SMCO2: variants seen among roughly 807,000 people sequenced by gnomAD.
SMCO2 encodes single-pass membrane protein with coiled-coil domains 2, also known as single-pass membrane and coiled-coil domain-containing protein 2.
A neutral mutation model predicts 29.5 loss-of-function variants in SMCO2; 25 were observed. The observed-to-expected ratio is 0.85, with a 90% CI of 0.62 to 1.18. The LOEUF (loss-of-function observed/expected upper bound fraction) is 1.18. Among genes scored for constraint, SMCO2 ranks in the 50% most tolerant of loss-of-function variants. The pLI, the probability that SMCO2 is intolerant of heterozygous loss-of-function variation, is 0.00. For missense variants in SMCO2, 348 were observed against 344.5 expected (o/e 1.01, Z -0.08); for synonymous variants, 117 against 123.3 (o/e 0.95, Z 0.34).
intron 5 of SMCO2, among the ~76,000 whole-genome samples, chr12:27,491,362 C>T (rs1006177846): frequency 4.6e-5 from 7 of 152,064 alleles, no homozygotes; most frequent in African/African-American, 1.7e-4. Context: ...AATAGAATTT[C>T]CATGTGAATT....
the SMCO2 span, among the ~76,000 whole-genome samples, chr12:27,426,266 A>G: frequency 6.6e-6 from 1 of 152,216 alleles, no homozygotes; most frequent in South Asian, 2.1e-4. Flanking sequence ...AGCAGTGAAC[A>G]ATGACTCAAG....
chr12:27,456,140 G>A, the SMCO2 span, among the ~76,000 whole-genome samples: 88,133 of 152,082 alleles, frequency 0.58, 26,358 homozygotes, highest in Middle Eastern at 0.69. Context: ...ACTTGAACCC[G>A]GGAGGCAGAG....
At position 27,474,911 on chromosome 12, in the gene SMCO2, A is replaced by C. The variant is rs1375386231; in HGVS notation, c.360A>C (p.Glu120Asp). ...AGTTTTCAAAGAAGAACCTCCTTGA[A>C]CTGTAAGTCTTGACACATGCAAGAC... Residue 120 changes from glutamate to aspartate, a missense_variant and splice_region_variant, in exon 4 of 8, where the codon GAA becomes GAC. Physicochemically the swap from Glu to Asp is conservative, Grantham distance 45. Transcript: ENST00000298876. The C allele has an allele frequency of 3.9e-6, 6 of 1,550,976 alleles. No individual in the cohort carries two copies. In the East Asian group the frequency reaches 1.2e-4, roughly 32 times the overall value.
At chr12:27,427,662 G>A in the SMCO2 span, among the ~76,000 whole-genome samples, 2 of 152,180 alleles carry the variant, frequency 1.3e-5, no homozygotes, top group African/African-American at 2.4e-5. Flanking sequence ...GAGAGGGGAA[G>A]GGATGTGCAG....
At chr12:27,457,869 G>T in the SMCO2 span, among the ~76,000 whole-genome samples, 8,613 of 152,230 alleles carry the variant, frequency 0.057, 717 homozygotes, top group African/African-American at 0.18. Context: ...CTTAGGGGAG[G>T]TAGGATGGTT....
chr12:27,492,886 T>A (rs754391423), intron 5 of SMCO2, among the ~76,000 whole-genome samples: 5 of 152,194 alleles, frequency 3.3e-5, no homozygotes, highest in Non-Finnish European at 7.4e-5. Flanking sequence ...TGAACGTGAA[T>A]GTTCACTGAA....
At chr12:27,460,339 TAAC>T in the SMCO2 span, among the ~76,000 whole-genome samples, 2 of 152,264 alleles carry the variant, frequency 1.3e-5, no homozygotes, top group South Asian at 2.1e-4. Flanking sequence ...CCCCAAAACT[TAAC>T]TACTAATAGC....
chr12:27,426,851 A>G, the SMCO2 span, among the ~76,000 whole-genome samples: 6 of 152,222 alleles, frequency 3.9e-5, no homozygotes, highest in Non-Finnish European at 7.3e-5. Context: ...TCTACAGCAC[A>G]AAGAGGTAAA....
At chr12:27,472,992 T>C (rs977584776) in intron 3 of SMCO2, 117 bp downstream of exon 3, 13 of 767,810 alleles carry the variant, frequency 1.7e-5, no homozygotes, top group Admixed American at 2.4e-5. Context: ...TTCTTCTAAT[T>C]GGTGCAGAAC....
chr12:27,497,440 C>A, intron 7 of SMCO2: 1 of 217,400 alleles, frequency 4.6e-6, no homozygotes, highest in South Asian at 8.5e-5. Flanking sequence ...TACCATTAAC[C>A]ATGGTAAAAT....
the SMCO2 span, among the ~76,000 whole-genome samples, chr12:27,454,746 C>T: frequency 6.6e-6 from 1 of 152,176 alleles, no homozygotes; most frequent in Non-Finnish European, 1.5e-5. Flanking sequence ...CCACAACGGG[C>T]CCCAGTGTGT....
Position 27,474,786 on chromosome 12 carries a change from G to C in SMCO2, c.235G>C (p.Gly79Arg), listed in dbSNP as rs1166838213. ...TTGCTTCCATCATCATCTTTACCAG[G>C]GTATGTTGGAGCTAGAGGCTGAGCA... The change falls in exon 4 of 8, where the codon GGT (glycine) becomes CGT (arginine). Residue 79 changes from glycine (G) to arginine (R), a missense_variant and splice_region_variant. Transcript: ENST00000298876. 4 of 1,551,456 alleles carry C rather than the reference G, an allele frequency of 2.6e-6. No individual in the cohort carries two copies. The South Asian group carries it at 3.6e-5, about 14-fold the overall frequency.
intron 4 of SMCO2, among the ~76,000 whole-genome samples, chr12:27,476,716 T>G (rs1033628099): frequency 3.9e-5 from 6 of 151,988 alleles, no homozygotes; most frequent in Admixed American, 3.9e-4. Flanking sequence ...TTTTTTCAAT[T>G]TCTTCACTTT....
the SMCO2 span, among the ~76,000 whole-genome samples, chr12:27,436,411 A>G: frequency 5.9e-5 from 9 of 152,174 alleles, no homozygotes; most frequent in Non-Finnish European, 1.2e-4. Flanking sequence ...GGAGTGACCA[A>G]CCAGATGGAT....
At chr12:27,463,953 G>A (rs1476346073), upstream of SMCO2, among the ~76,000 whole-genome samples, 5 of 152,152 alleles carry the variant, frequency 3.3e-5, no homozygotes, top group Admixed American at 1.3e-4. Flanking sequence ...GCAACAGTGC[G>A]GAGGCAGAGC....
At chr12:27,424,668 G>A in the SMCO2 span, 1 of 152,134 alleles carries the variant, frequency 6.6e-6, no homozygotes, top group Non-Finnish European at 1.5e-5. Flanking sequence ...CTGCCAAGAG[G>A]TATCTCCCCC....
At chr12:27,475,724 G>A (rs980934987) in intron 4 of SMCO2, 17 of 1,545,572 alleles carry the variant, frequency 1.1e-5, no homozygotes, top group Non-Finnish European at 1.3e-5. Flanking sequence ...AGAAAACACA[G>A]TGAAGAGGTA....
At chr12:27,435,246 T>C in the SMCO2 span, among the ~76,000 whole-genome samples, 1 of 127,230 alleles carries the variant, frequency 7.9e-6, no homozygotes, top group East Asian at 2.6e-4. Context: ...GCTGTTTAGC[T>C]GCATCCCTGG....
At chr12:27,491,414 T>G (rs1017194812) in intron 5 of SMCO2, among the ~76,000 whole-genome samples, 1 of 152,152 alleles carries the variant, frequency 6.6e-6, no homozygotes, top group Non-Finnish European at 1.5e-5. Flanking sequence ...CCAGTTATCT[T>G]TGATAAGTGC....
Sources: allele counts gnomAD v4.1 joint callset (sites outside exome capture counted in the v4.1 genomes callset), GRCh38; gene constraint gnomAD v4.1.1; transcripts MANE v1.5; gene names NCBI Gene and HGNC (gene_info 2026-07-23, HGNC 2026-07-21).